The following MAGI2 variants were observed in gnomAD, a reference collection of about 807,000 sequenced individuals.
MAGI2 encodes membrane-associated guanylate kinase, WW and PDZ domain-containing protein 2.
In MAGI2, 35 loss-of-function variants were observed where a neutral mutation model predicts 133.3. The ratio of observed to expected loss-of-function variants is 0.26; its 90% CI spans 0.20 to 0.35. MAGI2 has a LOEUF of 0.35. Among genes scored for constraint, MAGI2 ranks in the 10% least tolerant of loss-of-function variants. MAGI2 has a pLI of 1.00. For missense variants in MAGI2, 1,636 were observed against 1,863.4 expected (o/e 0.88, Z 2.25); for synonymous variants, 729 against 710.6 (o/e 1.03, Z -0.41).
At chr7:78,905,570 T>C (rs1797934626) in intron 2 of MAGI2, among the ~76,000 whole-genome samples, 1 of 152,196 alleles carries the variant, frequency 6.6e-6, no homozygotes, top group African/African-American at 2.4e-5. Context: ...ACACATGTTG[T>C]TTCTTCTGCC....
chr7:78,447,419 C>T (rs1041983917), intron 6 of MAGI2, among the ~76,000 whole-genome samples: 3 of 149,670 alleles, frequency 2.0e-5, no homozygotes, highest in Non-Finnish European at 3.0e-5. Context: ...TATAAAATGG[C>T]GATAATTTTA....
At chr7:78,912,346 G>A (rs1056901492) in intron 2 of MAGI2, among the ~76,000 whole-genome samples, 1 of 152,140 alleles carries the variant, frequency 6.6e-6, no homozygotes, top group Non-Finnish European at 1.5e-5. Context: ...TGGTGTGATG[G>A]TTAATGCTGA....
At chr7:78,034,331 G>T (rs1377258007) in intron 21 of MAGI2, among the ~76,000 whole-genome samples, 1 of 152,022 alleles carries the variant, frequency 6.6e-6, no homozygotes, top group African/African-American at 2.4e-5. Flanking sequence ...TCATTTAGGG[G>T]TTCAGGGAGG....
Position 79,277,501 on chromosome 7 carries a change from A to G in MAGI2, c.301+175519T>C, listed in dbSNP as rs568061088. The stretch of plus-strand genomic sequence containing the variant: ...TGTAATATGTCCATGGTGTGCCTGT[A>G]TTCATTTATTCAACATATGTGCTGA... On this transcript the variant is annotated intron_variant, in intron 1 of 21. Transcript: ENST00000354212. Among the ~76,000 whole-genome samples, 9 of 152,238 alleles carry G rather than the reference A, an allele frequency of 5.9e-5. No individual in the cohort carries two copies. The South Asian group carries it at 1.9e-3, about 32-fold the overall frequency.
In MAGI2 at chr7:78,735,504, A is replaced by G. The variant is rs1444626906; in HGVS notation, c.419-108265T>C. Among the ~76,000 whole-genome samples, 3 of 152,254 alleles carry G rather than the reference A, an allele frequency of 2.0e-5. No individual in the cohort carries two copies. The East Asian group carries it at 5.8e-4, about 29-fold the overall frequency. On this transcript the variant is annotated intron_variant, in intron 2 of 21. Coordinates refer to ENST00000354212, the MANE Select transcript of MAGI2 (RefSeq NM_012301.4). ...AAACCATTCAACCACTGAGCAACTTATTAGAACATTGGCATTGGTTTTCCT... is the reference window on the plus strand; with the variant it reads ...AAACCATTCAACCACTGAGCAACTTGTTAGAACATTGGCATTGGTTTTCCT...
At chr7:78,468,144 A>T (rs1210036166) in intron 6 of MAGI2, among the ~76,000 whole-genome samples, 1 of 152,200 alleles carries the variant, frequency 6.6e-6, no homozygotes, top group East Asian at 1.9e-4. Context: ...ATTTGCAGAG[A>T]CTAATTTTCT....
chr7:78,617,451 A>G (rs1386662342), intron 3 of MAGI2: 1 of 152,146 alleles, frequency 6.6e-6, no homozygotes, highest in African/African-American at 2.4e-5. Flanking sequence ...CTACATATAG[A>G]TACAACCTAT....
chr7:78,340,455 A>T (rs989156164), intron 9 of MAGI2, among the ~76,000 whole-genome samples: 2 of 152,234 alleles, frequency 1.3e-5, no homozygotes, highest in Non-Finnish European at 2.9e-5. Flanking sequence ...AACTCATTTT[A>T]TGATGCCAGC....
Position 78,413,282 on chromosome 7 carries a change from G to A in MAGI2, c.1046-44069C>T, listed in dbSNP as rs1351345403. ...ATGACACTGGCCTTATATGTAATTC[G>A]GGTCAGCTGAATTTGACAAAAGATT... On this transcript the variant is annotated intron_variant, in intron 6 of 21. Coordinates refer to ENST00000354212, the MANE Select transcript of MAGI2 (RefSeq NM_012301.4). 6.6e-5 allele frequency among the ~76,000 whole-genome samples: 10 copies of A among 152,114 alleles called. No homozygotes were observed. The South Asian group carries it at 1.5e-3, about 22-fold the overall frequency.
chr7:78,465,781 C>T (rs930877889), intron 6 of MAGI2, among the ~76,000 whole-genome samples: 1 of 152,180 alleles, frequency 6.6e-6, no homozygotes, highest in Non-Finnish European at 1.5e-5. Flanking sequence ...CTAGCTCCAT[C>T]ATCATCCAGT....
chr7:78,677,842 C>CAG (rs1815216179), intron 2 of MAGI2, among the ~76,000 whole-genome samples: 2 of 151,990 alleles, frequency 1.3e-5, no homozygotes, highest in Admixed American at 1.3e-4. Context: ...TACAATCAAG[C>CAG]AGAAAAGCTA....
intron 21 of MAGI2, among the ~76,000 whole-genome samples, chr7:78,036,955 A>G (rs565418968): frequency 6.6e-6 from 1 of 152,286 alleles, no homozygotes; most frequent in East Asian, 1.9e-4. Flanking sequence ...AAGGAGAGAA[A>G]AGGAGAGGTG....
At chr7:79,226,139 T>C (rs1830835164) in intron 1 of MAGI2, among the ~76,000 whole-genome samples, 1 of 152,204 alleles carries the variant, frequency 6.6e-6, no homozygotes, top group South Asian at 2.1e-4. Flanking sequence ...CAGTTATTAA[T>C]TTAACATCTA....
At chr7:78,748,625 C>G (rs1823154188) in intron 2 of MAGI2, among the ~76,000 whole-genome samples, 1 of 152,204 alleles carries the variant, frequency 6.6e-6, no homozygotes, top group South Asian at 2.1e-4. Context: ...GGTAGCTGGA[C>G]ATGACATTAG....
At chr7:78,056,995 T>A (rs745739189) in intron 21 of MAGI2, among the ~76,000 whole-genome samples, 2 of 151,224 alleles carry the variant, frequency 1.3e-5, no homozygotes, top group Admixed American at 6.6e-5. Context: ...TGTGCAAATA[T>A]CTCCTTGAGA....
Position 78,293,252 on chromosome 7 carries a change from A to C in MAGI2, c.1409-36671T>G, listed in dbSNP as rs564049521. Among the ~76,000 whole-genome samples the C allele has an allele frequency of 5.3e-5, 8 of 152,174 alleles. No homozygotes were observed. The East Asian group carries it at 1.5e-3, about 29-fold the overall frequency. On this transcript the variant is annotated intron_variant, in intron 9 of 21. Transcript: ENST00000354212. ...CAAATTTACAAGAAAAAATCAAACC[A>C]CCCCATCGAAAAGTAGGCAAAGGAT...
intron 5 of MAGI2, among the ~76,000 whole-genome samples, chr7:78,496,097 G>A (rs192464410): frequency 1.3e-5 from 2 of 152,124 alleles, no homozygotes; most frequent in East Asian, 1.9e-4. Flanking sequence ...GTTGTTTAAC[G>A]TTTTTTGGAA....
intron 2 of MAGI2, among the ~76,000 whole-genome samples, chr7:78,669,251 C>A (rs1178365137): frequency 6.6e-6 from 1 of 151,998 alleles, no homozygotes; most frequent in Non-Finnish European, 1.5e-5. Context: ...CACCACCGAT[C>A]CCACAGAAAT....
intron 1 of MAGI2, among the ~76,000 whole-genome samples, chr7:79,139,360 C>A (rs565007944): frequency 1.8e-4 from 27 of 152,292 alleles, no homozygotes; most frequent in Admixed American, 7.2e-4. Flanking sequence ...CTTCTATAAT[C>A]CTCCCAACAA....
Sources: allele counts gnomAD v4.1 joint callset (sites outside exome capture counted in the v4.1 genomes callset), GRCh38; gene constraint gnomAD v4.1.1; transcripts MANE v1.5; gene names NCBI Gene and HGNC (gene_info 2026-07-23, HGNC 2026-07-21).